Variants in DERA observed in about 807,000 individuals in gnomAD.
The protein encoded by DERA is 2-deoxy-D-ribose 5-phosphate aldolase.
In DERA, 15 loss-of-function variants were observed where a neutral mutation model predicts 41.1. That is an observed-to-expected ratio of 0.37 (90% CI 0.24 to 0.56). DERA has a LOEUF of 0.56. DERA is among the 20% of genes least tolerant of loss of function. The pLI is 0.81. For missense variants in DERA, 396 were observed against 403.4 expected, an observed-to-expected ratio of 0.98 and a Z score of 0.16; for synonymous variants, 139 against 137.4, an observed-to-expected ratio of 1.01 and a Z score of -0.08.
rs1423228886 is a variant in DERA at position 15,938,994 on chromosome 12, A to G, written c.32-17942A>G. On this transcript the variant is annotated intron_variant, in intron 1 of 8. Coordinates refer to ENST00000428559, the MANE Select transcript of DERA (RefSeq NM_015954.4). This position sits in a 1 kb window ranked among gnomAD's most constrained non-coding sequence, Gnocchi z 4.1. The stretch of plus-strand genomic sequence containing the variant: ...CTTTGTGTAGTCCTGTACTGCATTA[A>G]TTCTGGGCTGACCCTGTAAGTCCCT... Among the ~76,000 whole-genome samples the G allele has an allele frequency of 6.6e-6, 1 of 152,166 alleles. No homozygotes were observed. The highest frequency in any genetic ancestry group is 1.9e-4 in the East Asian group (1 of 5,206).
At chr12:15,952,194 TGG>T (rs1002417098) in intron 1 of DERA, among the ~76,000 whole-genome samples, 2 of 152,342 alleles carry the variant, frequency 1.3e-5, no homozygotes, top group African/African-American at 4.8e-5. Flanking sequence ...CCACTGCACC[TGG>T]CCTGTACTTC....
chr12:16,018,806 TA>T (rs1336080880), intron 6 of DERA, among the ~76,000 whole-genome samples: 3 of 152,126 alleles, frequency 2.0e-5, no homozygotes, highest in African/African-American at 7.2e-5. Flanking sequence ...TATAATACTA[TA>T]AATTTATTAT....
chr12:15,927,078 C>T (rs368910366), intron 1 of DERA, among the ~76,000 whole-genome samples: 1 of 152,300 alleles, frequency 6.6e-6, no homozygotes, highest in South Asian at 2.1e-4. Flanking sequence ...ACACATGATA[C>T]TGATCAAGTA....
chr12:15,960,266 C>CTA (rs750133124), intron 4 of DERA, among the ~76,000 whole-genome samples: 4 of 149,238 alleles, frequency 2.7e-5, no homozygotes, highest in Non-Finnish European at 5.9e-5. Flanking sequence ...TACATATTAA[C>CTA]TATATATATA....
At position 16,032,597 on chromosome 12, in the gene DERA, G is replaced by A. The variant is rs200029512; in HGVS notation, c.693G>A (p.Pro231=). ...AAGAAACAGTAAATGCCACCTTCCC[G>A]GTAGCTATAGTAATGCTGCGGGCCA... ...TGKETVNATF[P]VAIVMLRAIR... is the part of the protein sequence containing the mutation. Residue 231 remains proline, a synonymous_variant, in exon 7 of 9, where the codon CCG becomes CCA. Transcript: ENST00000428559. The A allele has an allele frequency of 1.9e-5, 29 of 1,567,022 alleles. No individual in the cohort carries two copies. The highest frequency in any genetic ancestry group is 1.7e-4 in the Admixed American group (9 of 53,056).
chr12:15,976,668 G>A lies in DERA; in HGVS notation c.509-5640G>A, dbSNP rs1344720978. ...AAGTCAACGTTTACCATCATTTTAC[G>A]TGTGCTTATTATCAAAGGTGGATCT... On this transcript the variant is annotated intron_variant, in intron 5 of 8. Transcript: ENST00000428559. This position sits in a 1 kb window ranked among gnomAD's most constrained non-coding sequence, Gnocchi z 4.1. Among the ~76,000 whole-genome samples, 1 of 152,088 alleles carries A rather than the reference G, an allele frequency of 6.6e-6. No homozygotes were observed. Among genetic ancestry groups the A allele is most frequent in the African/African-American group, 2.4e-5 (1 of 41,414 alleles).
rs1191703037 is a variant in DERA at position 16,019,890 on chromosome 12, A to G, written c.638-12652A>G. On this transcript the variant is annotated intron_variant, in intron 6 of 8. Coordinates refer to ENST00000428559, the MANE Select transcript of DERA (RefSeq NM_015954.4). The surrounding 1 kb of genome is among the most constrained non-coding windows in gnomAD (Gnocchi z 4.4). ...ATGGGGCCTGGTGGGAGGGGATTGG[A>G]TCATGGAGGTAGATCCTTCATGAAT... 1.3e-5 allele frequency among the ~76,000 whole-genome samples: 2 copies of G among 152,042 alleles called. No individual in the cohort carries two copies. The highest frequency in any genetic ancestry group is 2.9e-5 in the Non-Finnish European group (2 of 68,020).
Position 15,982,395 on chromosome 12 carries a change from T to C in DERA, c.596T>C (p.Leu199Pro), listed in dbSNP as rs937724267. The change falls in exon 6 of 9, where the codon CTT (leucine) becomes CCT (proline). Residue 199 changes from leucine (L) to proline (P), a missense_variant. By Grantham distance (98) the Leu-to-Pro change is moderately conservative. Transcript: ENST00000428559. This position sits in a 1 kb window ranked among gnomAD's most constrained non-coding sequence, Gnocchi z 4.0. ...TILATGELGT[L>P]TNVYKASMIA... ...TTAGCGACAGGAGAACTTGGAACTC[T>C]TACTAATGTCTATAAAGCCAGTATG... 6.2e-7 allele frequency: 1 copy of C among 1,613,862 alleles called. No individual in the cohort carries two copies. Among genetic ancestry groups the C allele is most frequent in the Non-Finnish European group, 8.5e-7 (1 of 1,179,842 alleles).
rs114445883 is a variant in DERA at position 15,940,149 on chromosome 12, C to T, written c.32-16787C>T. On this transcript the variant is annotated intron_variant, in intron 1 of 8. Transcript: ENST00000428559. The surrounding 1 kb of genome is among the most constrained non-coding windows in gnomAD (Gnocchi z 5.1). ...TTAACTGAATTTATAGTGGTAGTCACAACAATGTCAGTTATTTTATCTTCA... is the reference window on the plus strand; with the variant it reads ...TTAACTGAATTTATAGTGGTAGTCATAACAATGTCAGTTATTTTATCTTCA... 0.015 allele frequency among the ~76,000 whole-genome samples: 2,257 copies of T among 152,220 alleles called. 53 individuals are homozygous for T. Among genetic ancestry groups the T allele is most frequent in the African/African-American group, 0.052 (2,164 of 41,518 alleles).
rs1203516216 is a variant in DERA at position 15,942,714 on chromosome 12, A to G, written c.32-14222A>G. ...TCCAGGAGAGTGGGGAAGAGAGTCA[A>G]GTTTTGGTTTTCTTTTAGAGTGAAA... is the stretch of plus-strand genomic sequence containing the variant. On this transcript the variant is annotated intron_variant, in intron 1 of 8. Transcript: ENST00000428559. 3.9e-5 allele frequency among the ~76,000 whole-genome samples: 6 copies of G among 152,252 alleles called. No homozygotes were observed. The South Asian group carries it at 1.0e-3, about 26-fold the overall frequency.
intron 6 of DERA, among the ~76,000 whole-genome samples, chr12:16,029,188 A>T (rs1341650801): frequency 6.6e-6 from 1 of 152,190 alleles, no homozygotes; most frequent in African/African-American, 2.4e-5. Context: ...TAATCCCAGC[A>T]CTTTGGGAGG....
At chr12:15,956,801 A>T in intron 1 of DERA, 135 bp from the exon 2 acceptor site, 1 of 765,934 alleles carries the variant, frequency 1.3e-6, no homozygotes. Context: ...TTATAGTTGT[A>T]CAAAAAAGAA....
chr12:15,942,622 C>T (rs983555856), intron 1 of DERA, among the ~76,000 whole-genome samples: 8 of 152,260 alleles, frequency 5.3e-5, no homozygotes, highest in South Asian at 2.1e-4. Context: ...AGAGTAGCCA[C>T]GAATATTCTG....
chr12:15,919,357 A>C (rs1948224828), intron 1 of DERA, among the ~76,000 whole-genome samples: 1 of 152,148 alleles, frequency 6.6e-6, no homozygotes, highest in African/African-American at 2.4e-5. Context: ...TGCTTCTGCC[A>C]GGAAAGAAAG....
At chr12:15,927,127 T>C (rs1237181135) in intron 1 of DERA, among the ~76,000 whole-genome samples, 1 of 152,212 alleles carries the variant, frequency 6.6e-6, no homozygotes, top group Admixed American at 6.5e-5. Flanking sequence ...AAAGTTGGTT[T>C]ACTTAAAACA....
At chr12:15,925,567 C>T (rs1195618754) in intron 1 of DERA, among the ~76,000 whole-genome samples, 1 of 152,042 alleles carries the variant, frequency 6.6e-6, no homozygotes, top group Non-Finnish European at 1.5e-5. Context: ...ATGTTTTTGC[C>T]TAATTGTAAA....
rs765392042 is a variant in DERA at position 16,002,088 on chromosome 12, CTCG to C, written c.637+19655_637+19657del. Among the ~76,000 whole-genome samples, 189 of 151,666 alleles carry C rather than the reference CTCG, an allele frequency of 1.2e-3. 1 individual carries two copies. Among genetic ancestry groups the C allele is most frequent in the Non-Finnish European group, 2.0e-3 (135 of 67,930 alleles). ...CATGTTGGTGTGCTGCACCCATTAA[CTCG>C]TCATTTAACATTAGGTATATCTTCT... On this transcript the variant is annotated intron_variant, in intron 6 of 8. Transcript: ENST00000428559.
chr12:15,991,568 C>T (rs1948802033), intron 6 of DERA, among the ~76,000 whole-genome samples: 2 of 152,034 alleles, frequency 1.3e-5, no homozygotes, highest in African/African-American at 4.8e-5. Flanking sequence ...TGTAATTATC[C>T]AGAACCAAGG....
In DERA at chr12:16,035,093, T is replaced by C. The variant is rs1949118621; in HGVS notation, c.751-1139T>C. Reference sequence around the variant, plus strand: ...CTTTTACTGATATTTCCTGTGAGAATTGATAAGGGTCTAAACTGAAACAAG... The same window carrying C: ...CTTTTACTGATATTTCCTGTGAGAACTGATAAGGGTCTAAACTGAAACAAG... On this transcript the variant is annotated intron_variant, in intron 7 of 8. Transcript: ENST00000428559. This position sits in a 1 kb window ranked among gnomAD's most constrained non-coding sequence, Gnocchi z 4.1. Among the ~76,000 whole-genome samples the C allele has an allele frequency of 6.6e-6, 1 of 152,140 alleles. No individual in the cohort carries two copies. The highest frequency in any genetic ancestry group is 2.4e-5 in the African/African-American group (1 of 41,420).
Sources: gnomAD v4.1 joint callset for allele counts (sites outside exome capture counted in the v4.1 genomes callset) on GRCh38, gnomAD v4.1.1 for gene constraint, Gnocchi (gnomAD v3.1) non-coding constraint, MANE v1.5 for transcripts, NCBI Gene and HGNC (gene_info 2026-07-23, HGNC 2026-07-21) for gene names.